Variants in CCDC3 observed in about 807,000 individuals in gnomAD.
The protein encoded by CCDC3 is coiled-coil domain-containing protein 3.
Under a neutral mutation model 21.4 loss-of-function variants are expected in CCDC3, and 24 were observed. The ratio of observed to expected loss-of-function variants is 1.12; its 90% CI spans 0.81 to 1.58. CCDC3 has a LOEUF of 1.58. CCDC3 is among the 40% of genes most tolerant of loss of function. CCDC3 has a pLI of 0.00. For synonymous variants in CCDC3, 186 were observed against 166.0 expected (o/e 1.12, Z -0.93); for missense variants, 425 against 360.9 (o/e 1.18, Z -1.44).
chr10:13,036,029 G>A (rs1446711229), intron 5 of CCDC3, among the ~76,000 whole-genome samples: 5 of 151,944 alleles, frequency 3.3e-5, no homozygotes, highest in East Asian at 1.9e-4. Flanking sequence ...CTGCAGTCCC[G>A]GCTACTCAGG....
At chr10:13,015,741 A>G (rs1836049271) in intron 5 of CCDC3, among the ~76,000 whole-genome samples, 1 of 152,040 alleles carries the variant, frequency 6.6e-6, no homozygotes, top group African/African-American at 2.4e-5. Context: ...GGAACTGCCC[A>G]TCCCGATGAA....
At chr10:13,037,096 T>C (rs367984720) in intron 5 of CCDC3, among the ~76,000 whole-genome samples, 155 of 152,314 alleles carry the variant, frequency 1.0e-3, no homozygotes, top group African/African-American at 3.4e-3. Flanking sequence ...CCTCATGTAC[T>C]TTGAGTACCT....
intron 2 of CCDC3, among the ~76,000 whole-genome samples, chr10:12,910,922 G>A (rs1186047371): frequency 6.6e-6 from 1 of 152,228 alleles, no homozygotes; most frequent in African/African-American, 2.4e-5. Context: ...GTGGAAGGCA[G>A]TATAATTACA....
chr10:13,033,719 C>G (rs746087927), intron 5 of CCDC3, among the ~76,000 whole-genome samples: 2 of 152,214 alleles, frequency 1.3e-5, no homozygotes, highest in African/African-American at 2.4e-5. Flanking sequence ...GACATTTATG[C>G]AGGCAACACA....
chr10:13,094,977 T>G (rs1353637121), intron 3 of CCDC3, among the ~76,000 whole-genome samples: 1 of 152,144 alleles, frequency 6.6e-6, no homozygotes, highest in African/African-American at 2.4e-5. Context: ...TCTGGGTACT[T>G]GGCTGAGGCT....
intron 2 of CCDC3, among the ~76,000 whole-genome samples, chr10:12,904,080 G>A (rs555960686): frequency 5.9e-5 from 9 of 151,990 alleles, no homozygotes; most frequent in African/African-American, 9.7e-5. Context: ...TCCAGTCATC[G>A]GTCTGTACAC....
At chr10:12,908,769 T>G (rs969029697) in intron 2 of CCDC3, among the ~76,000 whole-genome samples, 5 of 152,116 alleles carry the variant, frequency 3.3e-5, no homozygotes, top group African/African-American at 1.2e-4. Flanking sequence ...CTTTTTGTAT[T>G]TTTAGCAGAG....
chr10:12,990,234 T>C (rs1835660748), intron 2 of CCDC3, among the ~76,000 whole-genome samples: 2 of 137,790 alleles, frequency 1.5e-5, no homozygotes, highest in South Asian at 4.5e-4. Flanking sequence ...CACTCTGGCC[T>C]GGGCAAAAAA....
Position 13,001,052 on chromosome 10 carries a change from GAAGGC to G in CCDC3, c.374+140_374+144del. The G allele has an allele frequency of 3.9e-6, 4 of 1,028,064 alleles. No individual in the cohort carries two copies. The South Asian group carries it at 5.1e-5, about 13-fold the overall frequency. 63.7% of individuals were successfully genotyped at this position (1,028,064 alleles called of 1,614,324 possible). ...GTCAGACGGAGCAAGAAAGATCCAA[GAAGGC>G]AAGGGGTAGGCGCCCCAGGGGCATT... On this transcript the variant is annotated intron_variant, in intron 1 of 2. Coordinates refer to ENST00000378825, the MANE Select transcript of CCDC3 (RefSeq NM_031455.4).
At chr10:13,042,653 A>C (rs978768327) in intron 5 of CCDC3, among the ~76,000 whole-genome samples, 2 of 151,624 alleles carry the variant, frequency 1.3e-5, no homozygotes, top group East Asian at 3.9e-4. Flanking sequence ...TCACACCTGT[A>C]ATCTCAGCAC....
chr10:12,960,305 T>G (rs1835162207), intron 2 of CCDC3, among the ~76,000 whole-genome samples: 1 of 152,180 alleles, frequency 6.6e-6, no homozygotes, highest in Admixed American at 6.5e-5. Context: ...AACTCTGGAG[T>G]CATTATTTCA....
intron 4 of CCDC3, among the ~76,000 whole-genome samples, chr10:13,059,356 GAAGT>G (rs1414265079): frequency 3.3e-5 from 5 of 152,170 alleles, no homozygotes; most frequent in African/African-American, 7.2e-5. Context: ...TATGAGATGA[GAAGT>G]AAGTTTTTAC....
chr10:13,091,014 C>T (rs1832559743), intron 3 of CCDC3, among the ~76,000 whole-genome samples: 1 of 152,168 alleles, frequency 6.6e-6, no homozygotes, highest in South Asian at 2.1e-4. Context: ...GGCCGAAGAA[C>T]TTGGAGTCTG....
chr10:13,010,746 C>T (rs781726201), intron 5 of CCDC3, among the ~76,000 whole-genome samples: 13 of 152,114 alleles, frequency 8.5e-5, no homozygotes, highest in Non-Finnish European at 1.6e-4. Flanking sequence ...TAAACCGTGG[C>T]CTGCAATTAA....
chr10:13,042,894 G>A (rs1290307808), intron 5 of CCDC3, among the ~76,000 whole-genome samples: 3 of 122,610 alleles, frequency 2.4e-5, no homozygotes, highest in Non-Finnish European at 3.3e-5. Flanking sequence ...GGGCGACAGA[G>A]GGAGACTGTC....
At chr10:12,931,450 T>C (rs1834642180) in intron 2 of CCDC3, among the ~76,000 whole-genome samples, 1 of 152,240 alleles carries the variant, frequency 6.6e-6, no homozygotes. Flanking sequence ...TTGACCCTTC[T>C]GAATGAATTT....
intron 2 of CCDC3, among the ~76,000 whole-genome samples, chr10:12,983,344 G>A (rs939601654): frequency 1.3e-5 from 2 of 150,930 alleles, no homozygotes; most frequent in Non-Finnish European, 3.0e-5. Flanking sequence ...AAGCTGAGGC[G>A]GGCAGATCAC....
chr10:12,951,850 G>GC (rs1257496526), intron 2 of CCDC3, among the ~76,000 whole-genome samples: 8 of 145,762 alleles, frequency 5.5e-5, no homozygotes, highest in Non-Finnish European at 9.0e-5. Flanking sequence ...GTGGGCTACA[G>GC]CCCAGAGCAC....
intron 2 of CCDC3, among the ~76,000 whole-genome samples, chr10:12,925,141 A>C (rs1315874888): frequency 6.6e-6 from 1 of 152,162 alleles, no homozygotes; most frequent in Non-Finnish European, 1.5e-5. Context: ...CGGTTCCAGG[A>C]GAGCCCAACT....
Sources: allele counts gnomAD v4.1 joint callset (sites outside exome capture counted in the v4.1 genomes callset), GRCh38; gene constraint gnomAD v4.1.1; transcripts MANE v1.5; gene names NCBI Gene and HGNC (gene_info 2026-07-23, HGNC 2026-07-21).